Variants in IL1RAPL1 observed in about 807,000 individuals in gnomAD.
The protein encoded by IL1RAPL1 is interleukin-1 receptor accessory protein-like 1.
IL1RAPL1 carries 3 observed loss-of-function variants against 48.4 expected under a neutral mutation model. The observed-to-expected ratio is 0.06, with a 90% CI of 0.03 to 0.16. The LOEUF (loss-of-function observed/expected upper bound fraction) is 0.16. IL1RAPL1 is among the 10% of genes least tolerant of loss of function. IL1RAPL1 has a pLI of 1.00. For synonymous variants in IL1RAPL1, 185 were observed against 187.7 expected, an observed-to-expected ratio of 0.99 and a Z score of 0.12; for missense variants, 349 against 530.6, an observed-to-expected ratio of 0.66 and a Z score of 3.36.
intron 1 of IL1RAPL1, among the ~76,000 whole-genome samples, chrX:28,601,965 C>T (rs763843162): frequency 1.4e-4 from 15 of 109,416 alleles, no homozygotes; most frequent in South Asian, 8.0e-4. Flanking sequence ...ATTAGCCAGA[C>T]GTGGTGGCGC....
chrX:28,702,913 A>G (rs762757302), intron 1 of IL1RAPL1, among the ~76,000 whole-genome samples: 1 of 110,472 alleles, frequency 9.1e-6, no homozygotes, highest in African/African-American at 3.3e-5. Flanking sequence ...AAACTATTCT[A>G]CCTAATGGTG....
At chrX:28,620,336 C>A (rs1164221621) in intron 1 of IL1RAPL1, among the ~76,000 whole-genome samples, 1 of 111,953 alleles carries the variant, frequency 8.9e-6, no homozygotes, top group Non-Finnish European at 1.9e-5. Flanking sequence ...CAATATCTCA[C>A]ATGGGAATGC....
rs146451771 is a variant in IL1RAPL1, at chrX:29,592,987, G to T, written c.704-75443G>T. 8.3e-3 allele frequency among the ~76,000 whole-genome samples: 928 copies of T among 112,436 alleles called. 7 individuals carry two copies. The highest frequency in any genetic ancestry group is 0.028 in the African/African-American group (881 of 30,957). Reference sequence around the variant, plus strand: ...TATCCCTCTTTCAAGGTCTCTGGAGGATAGTGTTCCTCCTGCAGAAGGTGA... The same window carrying T: ...TATCCCTCTTTCAAGGTCTCTGGAGTATAGTGTTCCTCCTGCAGAAGGTGA... On this transcript the variant is annotated intron_variant, in intron 5 of 10. Coordinates refer to ENST00000378993, the MANE Select transcript of IL1RAPL1 (RefSeq NM_014271.4).
intron 2 of IL1RAPL1, among the ~76,000 whole-genome samples, chrX:28,798,444 C>T (rs1569175288): frequency 8.9e-6 from 1 of 112,014 alleles, no homozygotes; most frequent in Non-Finnish European, 1.9e-5. Context: ...CCTTCTACCT[C>T]TCTCTTTCCC....
intron 2 of IL1RAPL1, among the ~76,000 whole-genome samples, chrX:29,025,758 A>G (rs1926471050): frequency 9.0e-6 from 1 of 111,629 alleles, no homozygotes; most frequent in African/African-American, 3.3e-5. Context: ...TTAAAGATAA[A>G]TATGGTAAGA....
At chrX:29,873,695 A>G (rs991016870) in intron 6 of IL1RAPL1, among the ~76,000 whole-genome samples, 2 of 111,904 alleles carry the variant, frequency 1.8e-5, no homozygotes, top group Non-Finnish European at 3.8e-5. Flanking sequence ...TTGTTATAAC[A>G]ACTTAAATGG....
intron 2 of IL1RAPL1, among the ~76,000 whole-genome samples, chrX:28,856,742 C>T (rs1046705800): frequency 2.7e-5 from 3 of 111,414 alleles, no homozygotes; most frequent in Admixed American, 9.6e-5. Context: ...CGACTAGCCA[C>T]TCCCCTATCT....
chrX:29,135,031 C>T (rs1360629430), intron 2 of IL1RAPL1, among the ~76,000 whole-genome samples: 1 of 111,814 alleles, frequency 8.9e-6, no homozygotes, highest in Non-Finnish European at 1.9e-5. Context: ...TTCTAACAAA[C>T]ACATAGCATT....
intron 9 of IL1RAPL1, among the ~76,000 whole-genome samples, chrX:29,950,821 C>T (rs1209844146): frequency 8.2e-5 from 9 of 109,824 alleles, no homozygotes; most frequent in East Asian, 2.9e-4. Context: ...GGACTACAGG[C>T]GCCCGCAACC....
Position 28,998,647 on chromosome X carries a change from A to T in IL1RAPL1, c.82+209222A>T, listed in dbSNP as rs1372741070. Among the ~76,000 whole-genome samples the T allele has an allele frequency of 5.3e-5, 6 of 112,254 alleles. No homozygotes were observed. The Admixed American group carries it at 5.7e-4, about 11-fold the overall frequency. ...AAGACAGTCTTGGGGTTATAAAATG[A>T]TAGGTTTTATTGCAAAGAGAGGAAT... On this transcript the variant is annotated intron_variant, in intron 2 of 10. Transcript: ENST00000378993.
chrX:28,894,984 T>C lies in IL1RAPL1; in HGVS notation c.82+105559T>C, dbSNP rs746750652. 9.6e-3 allele frequency among the ~76,000 whole-genome samples: 1,066 copies of C among 110,615 alleles called. 12 individuals carry two copies. The highest frequency in any genetic ancestry group is 0.033 in the African/African-American group (1,000 of 30,287). ...AAGTAATGGGGGCTGTCTGTGAAGC[T>C]TTGCGGCAGTACAGCCCAGGTGATT... On this transcript the variant is annotated intron_variant, in intron 2 of 10. Transcript: ENST00000378993.
intron 2 of IL1RAPL1, among the ~76,000 whole-genome samples, chrX:29,143,685 T>A (rs1395947573): frequency 8.9e-6 from 1 of 112,269 alleles, no homozygotes; most frequent in Non-Finnish European, 1.9e-5. Flanking sequence ...TAGTAATTGT[T>A]CCACAGCACA....
intron 2 of IL1RAPL1, among the ~76,000 whole-genome samples, chrX:28,831,572 T>G (rs913409909): frequency 9.0e-6 from 1 of 110,614 alleles, no homozygotes; most frequent in African/African-American, 3.3e-5. Flanking sequence ...TATTGTTTTT[T>G]TCAAGGCTAA....
intron 2 of IL1RAPL1, among the ~76,000 whole-genome samples, chrX:28,864,234 C>T (rs1436316351): frequency 9.0e-6 from 1 of 111,660 alleles, no homozygotes; most frequent in Non-Finnish European, 1.9e-5. Flanking sequence ...AATGCACAGT[C>T]CTGACTGACA....
intron 3 of IL1RAPL1, among the ~76,000 whole-genome samples, chrX:29,341,815 T>C (rs1053942025): frequency 3.2e-4 from 35 of 111,068 alleles, no homozygotes; most frequent in African/African-American, 1.1e-3. Flanking sequence ...TGATTCTTTT[T>C]TTAATTTTTG....
intron 5 of IL1RAPL1, among the ~76,000 whole-genome samples, chrX:29,445,814 G>T (rs1391196056): frequency 9.0e-6 from 1 of 111,595 alleles, no homozygotes; most frequent in African/African-American, 3.3e-5. Flanking sequence ...GCCCTGAAAA[G>T]CTTATGGCCT....
At chrX:28,974,890 T>C (rs1286101380) in intron 2 of IL1RAPL1, among the ~76,000 whole-genome samples, 1 of 112,254 alleles carries the variant, frequency 8.9e-6, no homozygotes. Flanking sequence ...GAGTGGAATA[T>C]AAGGAGATGG....
rs774929245 is a variant in IL1RAPL1, at chrX:28,643,645, C to G, written c.-25+55598C>G. Among the ~76,000 whole-genome samples the G allele has an allele frequency of 2.7e-5, 3 of 111,193 alleles. No homozygotes were observed. In the East Asian group the frequency reaches 8.5e-4, roughly 31 times the overall value. On this transcript the variant is annotated intron_variant, in intron 1 of 10. Coordinates refer to ENST00000378993, the MANE Select transcript of IL1RAPL1 (RefSeq NM_014271.4). ...TCCCACATCCCCCTCAAAAAAAAAACTTAATTAAAAGTAGCTAAGTAGAAA... is the reference window on the plus strand; with the variant it reads ...TCCCACATCCCCCTCAAAAAAAAAAGTTAATTAAAAGTAGCTAAGTAGAAA...
intron 3 of IL1RAPL1, among the ~76,000 whole-genome samples, chrX:29,382,697 A>G (rs1045520799): frequency 1.8e-5 from 2 of 111,184 alleles, no homozygotes; most frequent in Non-Finnish European, 3.8e-5. Flanking sequence ...TTGTTTATTT[A>G]TTTATTTATT....
Sources: gnomAD v4.1 joint callset for allele counts (sites outside exome capture counted in the v4.1 genomes callset) on GRCh38, gnomAD v4.1.1 for gene constraint, MANE v1.5 for transcripts, NCBI Gene and HGNC (gene_info 2026-07-23, HGNC 2026-07-21) for gene names.